ZEB1: variants seen among roughly 807,000 people sequenced by gnomAD.
ZEB1 encodes the protein zinc finger E-box binding homeobox 1.
In ZEB1, 21 loss-of-function variants were observed where a neutral mutation model predicts 84.9. That is an observed-to-expected ratio of 0.25 (90% CI 0.18 to 0.36). ZEB1 has a LOEUF of 0.36. Among genes scored for constraint, ZEB1 ranks in the 10% least tolerant of loss-of-function variants. The pLI is 1.00. For synonymous variants in ZEB1, 420 were observed against 471.1 expected (o/e 0.89, Z 1.41); for missense variants, 1,104 against 1,330.2 (o/e 0.83, Z 2.65).
intron 1 of ZEB1, among the ~76,000 whole-genome samples, chr10:31,388,532 G>A (rs1383800698): frequency 6.6e-6 from 1 of 151,962 alleles, no homozygotes; most frequent in South Asian, 2.1e-4. Context: ...AATACAAATT[G>A]GACCTTTTTG....
chr10:31,391,365 A>G (rs1313561702), intron 1 of ZEB1, among the ~76,000 whole-genome samples: 1 of 151,908 alleles, frequency 6.6e-6, no homozygotes. Context: ...GGTCTCAAAT[A>G]TAGCTTTCGG....
At chr10:31,479,217 A>G (rs2064716258) in intron 2 of ZEB1, among the ~76,000 whole-genome samples, 3 of 151,898 alleles carry the variant, frequency 2.0e-5, no homozygotes, top group Admixed American at 2.0e-4. Flanking sequence ...ATAACAGACC[A>G]AGGAAGGAGA....
chr10:31,479,530 A>T lies in ZEB1; in HGVS notation c.260-16246A>T, dbSNP rs184453207. 1.6e-3 allele frequency among the ~76,000 whole-genome samples: 236 copies of T among 152,030 alleles called. 1 individual carries two copies. The highest frequency in any genetic ancestry group is 4.7e-3 in the African/African-American group (197 of 41,530). ...AATAGCAAATTGAATTCAGTAGGAAATTTAAAATATCATACACCATGATCA... is the reference window on the plus strand; with the variant it reads ...AATAGCAAATTGAATTCAGTAGGAATTTTAAAATATCATACACCATGATCA... On this transcript the variant is annotated intron_variant, in intron 2 of 8. Transcript: ENST00000424869.
chr10:31,368,303 G>A (rs982526044), intron 1 of ZEB1, among the ~76,000 whole-genome samples: 1 of 151,788 alleles, frequency 6.6e-6, no homozygotes, highest in African/African-American at 2.4e-5. Flanking sequence ...CCACAGGCAC[G>A]CACCACCATG....
intron 1 of ZEB1, among the ~76,000 whole-genome samples, chr10:31,435,051 G>A (rs755422855): frequency 9.2e-5 from 14 of 152,188 alleles, no homozygotes; most frequent in Non-Finnish European, 1.8e-4. Context: ...AGATTATTAA[G>A]TAGCAAAGGA....
rs930970617 is a variant in ZEB1, at chr10:31,471,391, T to A, written c.259+10154T>A. Among the ~76,000 whole-genome samples, 65 of 150,262 alleles carry A rather than the reference T, an allele frequency of 4.3e-4. No homozygotes were observed. The East Asian group carries it at 0.011, about 25-fold the overall frequency. On this transcript the variant is annotated intron_variant, in intron 2 of 8. Transcript: ENST00000424869. ...AAGATCTACCAAGCAAATGGAAAAT[T>A]AAAAAAGGCAGGGGTTGCAATCCTA...
chr10:31,448,482 AGGCACTCTGC>A (rs1245711191), intron 1 of ZEB1, among the ~76,000 whole-genome samples: 177 of 148,594 alleles, frequency 1.2e-3, no homozygotes, highest in African/African-American at 4.4e-3. Context: ...GGAGGAGGAG[AGGCACTCTGC>A]GTTTTAGAGT....
At chr10:31,459,504 C>A (rs1299454090) in intron 1 of ZEB1, among the ~76,000 whole-genome samples, 1 of 152,014 alleles carries the variant, frequency 6.6e-6, no homozygotes, top group Non-Finnish European at 1.5e-5. Flanking sequence ...GCTGCCTTTA[C>A]TAACTTTACA....
intron 2 of ZEB1, among the ~76,000 whole-genome samples, chr10:31,475,539 C>G (rs1273865250): frequency 6.6e-6 from 1 of 152,052 alleles, no homozygotes; most frequent in African/African-American, 2.4e-5. Context: ...TTAAAGGCAG[C>G]TAGAGACAAG....
upstream of ZEB1, chr10:31,318,982 G>A (rs1190593255): frequency 3.0e-5 from 17 of 560,392 alleles, no homozygotes; most frequent in Middle Eastern, 4.8e-4. Context: ...CACACCTGAG[G>A]AAAACTTTTC....
chr10:31,491,754 A>G (rs548463791), intron 2 of ZEB1, among the ~76,000 whole-genome samples: 5 of 151,854 alleles, frequency 3.3e-5, no homozygotes, highest in Non-Finnish European at 7.4e-5. Flanking sequence ...CTCCATATTA[A>G]CTGGATCTGA....
At chr10:31,329,587 G>A (rs2036316425) in intron 1 of ZEB1, among the ~76,000 whole-genome samples, 1 of 152,076 alleles carries the variant, frequency 6.6e-6, no homozygotes, top group Non-Finnish European at 1.5e-5. Context: ...GTACTTCTAA[G>A]TACATATAGT....
intron 2 of ZEB1, among the ~76,000 whole-genome samples, chr10:31,481,237 A>G (rs545287531): frequency 1.8e-4 from 28 of 152,242 alleles, no homozygotes; most frequent in African/African-American, 6.7e-4. Context: ...GTATGAACTT[A>G]TGGTTCTGAA....
Position 31,527,016 on chromosome 10 carries a change from G to A in ZEB1, c.3130G>A (p.Glu1044Lys). ...DEDSEKEEEE[E>K]DKEMEELQEE... ...AGACAGTGAAAAAGAGGAAGAGGAGGAGGATAAAGAGATGGAAGAATTGCA... is the reference window on the plus strand; with the variant it reads ...AGACAGTGAAAAAGAGGAAGAGGAGAAGGATAAAGAGATGGAAGAATTGCA... The change falls in exon 9 of 9, where the codon GAG becomes AAG. Residue 1044 changes from glutamate to lysine, a missense_variant. Transcript: ENST00000424869. 1.3e-6 allele frequency: 2 copies of A among 1,598,082 alleles called. No homozygotes were observed. Among genetic ancestry groups the A allele is most frequent in the Non-Finnish European group, 1.7e-6 (2 of 1,171,026 alleles).
Position 31,334,328 on chromosome 10 carries a change from A to G in ZEB1, c.58+15036A>G, listed in dbSNP as rs896710652. On this transcript the variant is annotated intron_variant, in intron 1 of 8. Transcript: ENST00000424869. ...CATTACACTTTCTGTTTACAATTCCATTAACTTAAATAGAAATTTTGTGTG... is the reference window on the plus strand; with the variant it reads ...CATTACACTTTCTGTTTACAATTCCGTTAACTTAAATAGAAATTTTGTGTG... Among the ~76,000 whole-genome samples the G allele has an allele frequency of 2.6e-5, 4 of 152,208 alleles. No homozygotes were observed. In the East Asian group the frequency reaches 7.7e-4, roughly 29 times the overall value.
At chr10:31,440,867 T>G (rs1025401531) in intron 1 of ZEB1, among the ~76,000 whole-genome samples, 2 of 152,096 alleles carry the variant, frequency 1.3e-5, no homozygotes, top group African/African-American at 4.8e-5. Context: ...AAGGACCTCT[T>G]CAAGGAGAAC....
chr10:31,502,612 GACCAAACTTTATT>G, intron 4 of ZEB1, 103 bp downstream of exon 4: 1 of 1,459,560 alleles, frequency 6.9e-7, no homozygotes, highest in Non-Finnish European at 9.6e-7. Context: ...CATTCTTGAA[GACCAAACTTTATT>G]ACAGGTGCCT....
At chr10:31,499,386 T>C (rs1315606978) in intron 3 of ZEB1, among the ~76,000 whole-genome samples, 1 of 152,210 alleles carries the variant, frequency 6.6e-6, no homozygotes, top group Non-Finnish European at 1.5e-5. Context: ...ATGAACTGTA[T>C]TTTGAGCAAT....
At position 31,478,575 on chromosome 10, in the gene ZEB1, C is replaced by A. The variant is rs777945101; in HGVS notation, c.260-17201C>A. ...TGTATGTTTATCGCAGAACTACTCA[C>A]AATAGCAGAGTCATGGAATCAACCT... On this transcript the variant is annotated intron_variant, in intron 2 of 8. Transcript: ENST00000424869. Among the ~76,000 whole-genome samples the A allele has an allele frequency of 2.6e-4, 39 of 152,050 alleles. No homozygotes were observed. The Middle Eastern group carries it at 0.014, about 53-fold the overall frequency.
Sources: allele counts gnomAD v4.1 joint callset (sites outside exome capture counted in the v4.1 genomes callset), GRCh38; gene constraint gnomAD v4.1.1; transcripts MANE v1.5; gene names NCBI Gene and HGNC (gene_info 2026-07-23, HGNC 2026-07-21).